COL28A1: variants seen among roughly 807,000 people sequenced by gnomAD.
COL28A1 encodes the protein collagen alpha-1(XXVIII) chain.
A neutral mutation model predicts 150.2 loss-of-function variants in COL28A1; 161 were observed. The observed-to-expected ratio is 1.07, with a 90% CI of 0.94 to 1.22. The LOEUF (loss-of-function observed/expected upper bound fraction) is 1.22. Ranked by LOEUF, COL28A1 falls within the 50% of genes most tolerant of loss-of-function variation. The pLI is 0.00. For missense variants in COL28A1, 1,617 were observed against 1,388.3 expected, an observed-to-expected ratio of 1.16 and a Z score of -2.62; for synonymous variants, 552 against 469.7, an observed-to-expected ratio of 1.18 and a Z score of -2.26.
At chr7:7,354,184 G>A (rs955977598), downstream of COL28A1, among the ~76,000 whole-genome samples, 6 of 151,958 alleles carry the variant, frequency 3.9e-5, no homozygotes, top group Non-Finnish European at 8.8e-5. Flanking sequence ...TGTAGAGATG[G>A]AGTTTTCCCA....
At chr7:7,423,947 T>A (rs1784514590) in intron 25 of COL28A1, among the ~76,000 whole-genome samples, 1 of 152,186 alleles carries the variant, frequency 6.6e-6, no homozygotes. Context: ...CCTCAGCCAA[T>A]GAATTTAAGA....
rs190631675 is a variant in COL28A1, at chr7:7,524,930, C to T, written c.682-681G>A. On this transcript the variant is annotated intron_variant, in intron 3 of 34. Coordinates refer to ENST00000399429, the MANE Select transcript of COL28A1 (RefSeq NM_001037763.3). ...TTCAACAGAAGCCAAAAAAGATACT[C>T]AGCTTTTAAATTTAAACAGTATTAG... 2.1e-3 allele frequency among the ~76,000 whole-genome samples: 314 copies of T among 152,192 alleles called. 2 individuals are homozygous for T. Among genetic ancestry groups the T allele is most frequent in the Non-Finnish European group, 3.0e-3 (201 of 68,012 alleles).
At chr7:7,475,537 A>G (rs909132726) in intron 14 of COL28A1, among the ~76,000 whole-genome samples, 1 of 152,238 alleles carries the variant, frequency 6.6e-6, no homozygotes, top group Non-Finnish European at 1.5e-5. Flanking sequence ...GCTATTACAT[A>G]CAAGAGTATC....
intron 13 of COL28A1, among the ~76,000 whole-genome samples, chr7:7,484,760 G>C (rs544166595): frequency 5.3e-5 from 8 of 152,212 alleles, no homozygotes; most frequent in African/African-American, 1.9e-4. Context: ...ACTGGATAAA[G>C]AAAATATGGT....
At chr7:7,415,803 T>A (rs1784045553) in intron 27 of COL28A1, among the ~76,000 whole-genome samples, 1 of 151,300 alleles carries the variant, frequency 6.6e-6, no homozygotes, top group Admixed American at 6.6e-5. Flanking sequence ...AAGTGCTGGG[T>A]AGTTTTCTTT....
intron 1 of COL28A1, among the ~76,000 whole-genome samples, chr7:7,535,530 A>G (rs1782594847): frequency 6.6e-6 from 1 of 152,162 alleles, no homozygotes; most frequent in Non-Finnish European, 1.5e-5. Context: ...AGAAGACTGT[A>G]AATTAAAAAT....
chr7:7,406,978 T>C (rs1783525046), intron 27 of COL28A1, among the ~76,000 whole-genome samples: 1 of 152,118 alleles, frequency 6.6e-6, no homozygotes, highest in Non-Finnish European at 1.5e-5. Context: ...ACAGAATGAC[T>C]ATGTGGGTTT....
chr7:7,464,203 C>A, intron 15 of COL28A1, among the ~76,000 whole-genome samples: 1 of 152,120 alleles, frequency 6.6e-6, no homozygotes, highest in South Asian at 2.1e-4. Context: ...GACAGCAACA[C>A]AATAATAGTG....
At chr7:7,536,894 C>A (rs1407884994), upstream of COL28A1, among the ~76,000 whole-genome samples, 1 of 152,132 alleles carries the variant, frequency 6.6e-6, no homozygotes, top group African/African-American at 2.4e-5. Flanking sequence ...TACAGTAAGT[C>A]CTCACTTAAT....
chr7:7,399,040 C>T (rs1464831493), intron 27 of COL28A1, among the ~76,000 whole-genome samples: 5 of 152,204 alleles, frequency 3.3e-5, no homozygotes, highest in Non-Finnish European at 7.3e-5. Flanking sequence ...TCCACAGTCT[C>T]AGCCCTGTCT....
chr7:7,381,613 C>T lies in COL28A1; in HGVS notation c.2137-1G>A. 1 of 1,611,796 alleles carries T rather than the reference C, an allele frequency of 6.2e-7. No individual in the cohort carries two copies. Among genetic ancestry groups the T allele is most frequent in the Non-Finnish European group, 8.5e-7 (1 of 1,177,870 alleles). On this transcript the variant is annotated splice_acceptor_variant, in intron 27 of 34. Coordinates refer to ENST00000399429, the MANE Select transcript of COL28A1 (RefSeq NM_001037763.3). LOFTEE classifies it high-confidence loss of function. ...GGAAGCCTTGTGGTCCTTGTTCCCC[C>T]TACATAGGATATGAGAAAGAGATGT...
chr7:7,417,539 A>G (rs1459730293), intron 27 of COL28A1: 79 of 43,676 alleles, frequency 1.8e-3, no homozygotes, highest in East Asian at 2.9e-3. Context: ...GGAGGGAGGG[A>G]GGGGGGGGGG....
intron 25 of COL28A1, among the ~76,000 whole-genome samples, chr7:7,428,695 T>G (rs1784774928): frequency 6.6e-6 from 1 of 152,066 alleles, no homozygotes; most frequent in Non-Finnish European, 1.5e-5. Context: ...GATCCAGGAG[T>G]GAGGACACTG....
chr7:7,484,205 C>G (rs1020122092), intron 13 of COL28A1, among the ~76,000 whole-genome samples: 1 of 151,522 alleles, frequency 6.6e-6, no homozygotes, highest in Non-Finnish European at 1.5e-5. Context: ...GCAAAAGCAG[C>G]CTAAAGCAAA....
In COL28A1 at chr7:7,437,393, C is replaced by T. The variant is rs1785420511; in HGVS notation, c.1791+1G>A. ...AGAAAATAATCTCCAAGAATATATACCTTTGGCCCAGGTGGTCCAGGAATT... is the reference window on the plus strand; with the variant it reads ...AGAAAATAATCTCCAAGAATATATATCTTTGGCCCAGGTGGTCCAGGAATT... On this transcript the variant is annotated splice_donor_variant, in intron 22 of 34. Transcript: ENST00000399429. LOFTEE classifies it high-confidence loss of function. 3 of 1,612,628 alleles carry T rather than the reference C, an allele frequency of 1.9e-6. No homozygotes were observed. The highest frequency in any genetic ancestry group is 2.5e-6 in the Non-Finnish European group (3 of 1,179,578).
intron 11 of COL28A1, among the ~76,000 whole-genome samples, chr7:7,496,471 G>T (rs1416069574): frequency 6.6e-6 from 1 of 152,182 alleles, no homozygotes; most frequent in Admixed American, 6.5e-5. Context: ...TCAACTAGGA[G>T]CAACTGTATA....
intron 27 of COL28A1, among the ~76,000 whole-genome samples, chr7:7,390,140 G>C (rs1782447903): frequency 2.0e-5 from 3 of 152,110 alleles, no homozygotes; most frequent in Admixed American, 1.3e-4. Context: ...GTCATAAATA[G>C]CTCTTATTAT....
chr7:7,418,725 G>T (rs1410084762), intron 26 of COL28A1, among the ~76,000 whole-genome samples: 1 of 151,906 alleles, frequency 6.6e-6, no homozygotes, highest in African/African-American at 2.4e-5. Flanking sequence ...CTGATTATAA[G>T]AGGAATACCT....
chr7:7,474,610 T>C lies in COL28A1; in HGVS notation c.1293A>G (p.Lys431=). The C allele has an allele frequency of 7.8e-7, 1 of 1,275,562 alleles. No individual in the cohort carries two copies. The highest frequency in any genetic ancestry group is 1.1e-6 in the Non-Finnish European group (1 of 871,336). The allele number at this position is 1,275,562 out of a possible 1,614,324, so 79.0% of individuals were successfully genotyped here. ...CCCTATTATACAGTACCTTCTCCCC[T>C]TTGATTGACAGGCCTTGTAATCCCT... is the stretch of plus-strand genomic sequence containing the variant. ...GPQGLQGLSI[K]GEKGDIGPVG... Residue 431 remains lysine, a synonymous_variant, in exon 15 of 35, where the codon AAA becomes AAG. Coordinates refer to ENST00000399429, the MANE Select transcript of COL28A1 (RefSeq NM_001037763.3).
Sources: gnomAD v4.1 joint callset for allele counts (sites outside exome capture counted in the v4.1 genomes callset) on GRCh38, gnomAD v4.1.1 for gene constraint, MANE v1.5 for transcripts, NCBI Gene and HGNC (gene_info 2026-07-23, HGNC 2026-07-21) for gene names.